NDUFAF6: variants seen among roughly 807,000 people sequenced by gnomAD.
NDUFAF6 encodes NADH dehydrogenase (ubiquinone) complex I, assembly factor 6.
NDUFAF6 carries 45 observed loss-of-function variants against 40.8 expected under a neutral mutation model. That is an observed-to-expected ratio of 1.10 (90% CI 0.87 to 1.42). The LOEUF is 1.42. NDUFAF6 is among the 40% of genes most tolerant of loss of function. The pLI, the probability that NDUFAF6 is intolerant of heterozygous loss-of-function variation, is 0.00. For synonymous variants in NDUFAF6, 185 were observed against 155.9 expected, an observed-to-expected ratio of 1.19 and a Z score of -1.39; for missense variants, 435 against 418.5, an observed-to-expected ratio of 1.04 and a Z score of -0.34.
rs1407988730 is a variant in NDUFAF6, at chr8:94,975,293, G to C, written c.-198-5566G>C. The C allele has an allele frequency of 3.3e-5, 5 of 152,332 alleles. No individual in the cohort carries two copies. In the East Asian group the frequency reaches 9.6e-4, roughly 29 times the overall value. The allele number at this position is 152,332 out of a possible 1,614,324, so 9.4% of individuals were successfully genotyped here. Reference sequence around the variant, plus strand: ...GCTGTCCTAATTGCTATTTTAATCAGATTTTATATTCCTATAAATCTAAGG... The same window carrying C: ...GCTGTCCTAATTGCTATTTTAATCACATTTTATATTCCTATAAATCTAAGG... On this transcript the variant is annotated intron_variant, in intron 1 of 9. Coordinates refer to the NDUFAF6 transcript ENST00000396111.
chr8:95,112,064 G>A (rs986612073), intron 4 of NDUFAF6, among the ~76,000 whole-genome samples: 16 of 152,138 alleles, frequency 1.1e-4, no homozygotes, highest in Admixed American at 7.2e-4. Context: ...ACAGAATAAT[G>A]GCCCCTCAAA....
downstream of NDUFAF6, among the ~76,000 whole-genome samples, chr8:95,105,562 T>A (rs575947728): frequency 6.6e-6 from 1 of 152,196 alleles, no homozygotes; most frequent in Admixed American, 6.5e-5. Context: ...TGAGATGGAG[T>A]CTGGCTCTAT....
chr8:94,945,845 A>T (rs1346722649), intron 2 of NDUFAF6, among the ~76,000 whole-genome samples: 1 of 152,228 alleles, frequency 6.6e-6, no homozygotes, highest in East Asian at 1.9e-4. Context: ...GCGTCAGTCC[A>T]GCAGTTTCCC....
At chr8:95,072,655 T>C (rs1327806875) in intron 9 of NDUFAF6, 1 of 152,416 alleles carries the variant, frequency 6.6e-6, no homozygotes, top group Non-Finnish European at 1.5e-5. Flanking sequence ...TGCTCCTGCA[T>C]TGAGGTTGGG....
chr8:94,962,630 T>TTTA (rs1823682129), intron 1 of NDUFAF6, among the ~76,000 whole-genome samples: 2 of 150,574 alleles, frequency 1.3e-5, no homozygotes, highest in Admixed American at 6.6e-5. Context: ...TTTTTTTTTT[T>TTTA]GAGACAATGT....
At chr8:94,983,137 T>C (rs1825580132) in intron 2 of NDUFAF6, among the ~76,000 whole-genome samples, 1 of 152,046 alleles carries the variant, frequency 6.6e-6, no homozygotes, top group Non-Finnish European at 1.5e-5. Flanking sequence ...CAAAATAGAA[T>C]AATAACTACA....
chr8:95,083,616 T>C (rs1383673307), intron 2 of NDUFAF6, among the ~76,000 whole-genome samples: 1 of 152,206 alleles, frequency 6.6e-6, no homozygotes, highest in African/African-American at 2.4e-5. Flanking sequence ...GTCAATTTAA[T>C]TTAAAAATAG....
At chr8:95,113,804 C>T (rs1050544090) in intron 4 of NDUFAF6, among the ~76,000 whole-genome samples, 5 of 152,102 alleles carry the variant, frequency 3.3e-5, no homozygotes, top group Admixed American at 6.5e-5. Context: ...TGAGGTGGCA[C>T]GACTGCACTC....
chr8:95,061,669 T>C (rs1832574499), downstream of NDUFAF6, among the ~76,000 whole-genome samples: 1 of 152,232 alleles, frequency 6.6e-6, no homozygotes, highest in Non-Finnish European at 1.5e-5. Context: ...ATTAAATTTA[T>C]GGAACAATAA....
At chr8:94,901,235 A>G (rs867861489) in intron 1 of NDUFAF6, among the ~76,000 whole-genome samples, 1 of 152,160 alleles carries the variant, frequency 6.6e-6, no homozygotes, top group Admixed American at 6.5e-5. Context: ...AGTGATGGGA[A>G]GGAGATGCAG....
At chr8:94,954,980 C>A (rs1228021814), upstream of NDUFAF6, among the ~76,000 whole-genome samples, 1 of 152,162 alleles carries the variant, frequency 6.6e-6, no homozygotes, top group East Asian at 1.9e-4. Context: ...GAGATAAATA[C>A]ACTCTGTGCT....
At chr8:94,953,787 A>C (rs1417196108), upstream of NDUFAF6, among the ~76,000 whole-genome samples, 1 of 141,900 alleles carries the variant, frequency 7.0e-6, no homozygotes, top group Non-Finnish European at 1.5e-5. Context: ...CTACCTATTT[A>C]AGGAAAACTC....
chr8:95,016,568 C>A (rs1827456993), intron 2 of NDUFAF6, among the ~76,000 whole-genome samples: 2 of 152,136 alleles, frequency 1.3e-5, no homozygotes, highest in South Asian at 4.1e-4. Context: ...ATGGTGAAAC[C>A]CTGTCTCTAC....
intron 2 of NDUFAF6, among the ~76,000 whole-genome samples, chr8:95,003,657 C>G (rs1241349131): frequency 6.6e-6 from 1 of 152,204 alleles, no homozygotes; most frequent in Non-Finnish European, 1.5e-5. Flanking sequence ...CGAGTTCTTG[C>G]TAAGGAGTTC....
intron 1 of NDUFAF6, chr8:94,928,586 G>C (rs1820101621): frequency 6.6e-6 from 1 of 152,388 alleles, no homozygotes; most frequent in African/African-American, 2.4e-5. Context: ...ATAAATAAAG[G>C]GGAAGTCAAA....
chr8:94,962,899 T>C (rs1216011457), intron 1 of NDUFAF6, among the ~76,000 whole-genome samples: 1 of 152,012 alleles, frequency 6.6e-6, no homozygotes, highest in African/African-American at 2.4e-5. Context: ...CAAGTGATTC[T>C]CCTGCCTCAG....
intron 4 of NDUFAF6, among the ~76,000 whole-genome samples, chr8:95,113,336 C>T (rs1019787582): frequency 1.3e-5 from 2 of 152,198 alleles, no homozygotes; most frequent in Non-Finnish European, 2.9e-5. Flanking sequence ...TAGTAGCTGA[C>T]TCATCATTCA....
At chr8:95,006,355 CAAAAAAAAAAAAA>C (rs58530398) in intron 2 of NDUFAF6, among the ~76,000 whole-genome samples, 1 of 74,992 alleles carries the variant, frequency 1.3e-5, no homozygotes, top group African/African-American at 4.8e-5. Context: ...GACTCCGTCT[CAAAAAAAAAAAAA>C]AAAAAAAAGA....
chr8:95,035,310 T>C (rs773256897), intron 2 of NDUFAF6, 144 bp from the exon 3 acceptor site: 4 of 716,146 alleles, frequency 5.6e-6, no homozygotes, highest in Non-Finnish European at 9.5e-6. Flanking sequence ...TTGTGTTCTA[T>C]AGGTTCCAAA....
Sources: gnomAD v4.1 joint callset for allele counts (sites outside exome capture counted in the v4.1 genomes callset) on GRCh38, gnomAD v4.1.1 for gene constraint, MANE v1.5 for transcripts, NCBI Gene and HGNC (gene_info 2026-07-23, HGNC 2026-07-21) for gene names.